The following BCAR3 variants were observed in gnomAD, a reference collection of about 807,000 sequenced individuals.
BCAR3 encodes BCAR3 adaptor protein, NSP family member.
A neutral mutation model predicts 80.1 loss-of-function variants in BCAR3; 37 were observed. The observed-to-expected ratio is 0.46, with a 90% CI of 0.36 to 0.61. The LOEUF is 0.61. Among genes scored for constraint, BCAR3 ranks in the 20% least tolerant of loss-of-function variants. The pLI, the probability that BCAR3 is intolerant of heterozygous loss-of-function variation, is 0.00. For missense variants in BCAR3, 978 were observed against 1,068.2 expected, an observed-to-expected ratio of 0.92 and a Z score of 1.18; for synonymous variants, 389 against 418.9, an observed-to-expected ratio of 0.93 and a Z score of 0.87.
At chr1:93,833,116 A>C (rs1654633667) in intron 2 of BCAR3, among the ~76,000 whole-genome samples, 1 of 152,154 alleles carries the variant, frequency 6.6e-6, no homozygotes, top group Non-Finnish European at 1.5e-5. Flanking sequence ...GAAAGAGTAC[A>C]AAAGAAAGAA....
chr1:93,610,084 C>T (rs1241335778), intron 3 of BCAR3, among the ~76,000 whole-genome samples: 2 of 152,260 alleles, frequency 1.3e-5, no homozygotes, highest in African/African-American at 4.8e-5. Context: ...GGACCAACAA[C>T]TCCCACTGGG....
chr1:93,564,290 C>CT lies in BCAR3; in HGVS notation c.2300-1872dup, dbSNP rs35780346. On this transcript the variant is annotated intron_variant, in intron 11 of 11. Coordinates refer to ENST00000260502, the MANE Select transcript of BCAR3 (RefSeq NM_003567.4). ...TTGTGTCCTAAGAATTTCTTTCTTT[C>CT]TTTTTTTTTTTTTTTTTTTTTGAGA... 2.6e-3 allele frequency among the ~76,000 whole-genome samples: 273 copies of CT among 103,460 alleles called. 1 individual carries two copies. Among genetic ancestry groups the CT allele is most frequent in the East Asian group, 8.2e-3 (30 of 3,660 alleles). The allele number at this position is 103,460 out of a possible 152,430, so 67.9% of individuals were successfully genotyped here.
At chr1:93,583,503 T>C (rs1021616808) in intron 6 of BCAR3, among the ~76,000 whole-genome samples, 1 of 148,150 alleles carries the variant, frequency 6.7e-6, no homozygotes, top group Non-Finnish European at 1.5e-5. Context: ...AACAACCCCC[T>C]GTCTTACTAA....
intron 3 of BCAR3, among the ~76,000 whole-genome samples, chr1:93,605,953 C>T (rs1674760551): frequency 6.6e-6 from 1 of 152,206 alleles, no homozygotes; most frequent in African/African-American, 2.4e-5. Context: ...AAATGACTTT[C>T]AAATTCTCTC....
intron 2 of BCAR3, among the ~76,000 whole-genome samples, chr1:93,840,398 C>A (rs1654916515): frequency 6.6e-6 from 1 of 152,108 alleles, no homozygotes; most frequent in African/African-American, 2.4e-5. Context: ...CATGAAGAAC[C>A]CAGAAAAGTG....
chr1:93,760,625 A>G (rs1342263103), intron 2 of BCAR3, among the ~76,000 whole-genome samples: 1 of 151,772 alleles, frequency 6.6e-6, no homozygotes, highest in Non-Finnish European at 1.5e-5. Context: ...AAAAAGAAGA[A>G]GGAATGTATT....
chr1:93,724,640 C>G (rs1429792335), intron 2 of BCAR3, among the ~76,000 whole-genome samples: 1 of 152,172 alleles, frequency 6.6e-6, no homozygotes, highest in East Asian at 1.9e-4. Context: ...GCCACCCAGC[C>G]TGGTGTCCAA....
chr1:93,592,839 G>C lies in BCAR3; in HGVS notation c.358-446C>G, dbSNP rs949309021. Reference sequence around the variant, plus strand: ...AGTGAGGCCCAAAGCACAGTCCTTGGGCTGGTAGCGATGGCCCTAACTTCT... The same window carrying C: ...AGTGAGGCCCAAAGCACAGTCCTTGCGCTGGTAGCGATGGCCCTAACTTCT... On this transcript the variant is annotated intron_variant, in intron 3 of 11. Coordinates refer to ENST00000260502, the MANE Select transcript of BCAR3 (RefSeq NM_003567.4). The surrounding 1 kb of genome is among the most constrained non-coding windows in gnomAD (Gnocchi z 4.8). Among the ~76,000 whole-genome samples the C allele has an allele frequency of 6.6e-6, 1 of 152,226 alleles. No individual in the cohort carries two copies. The highest frequency in any genetic ancestry group is 2.4e-5 in the African/African-American group (1 of 41,470).
At chr1:93,743,104 T>A (rs1457680611) in intron 2 of BCAR3, among the ~76,000 whole-genome samples, 1 of 152,236 alleles carries the variant, frequency 6.6e-6, no homozygotes, top group African/African-American at 2.4e-5. Context: ...ATTTGATCAG[T>A]TTTTGTTATC....
At chr1:93,617,814 C>T (rs932518995) in intron 3 of BCAR3, among the ~76,000 whole-genome samples, 7 of 152,210 alleles carry the variant, frequency 4.6e-5, no homozygotes, top group African/African-American at 1.4e-4. Context: ...ACCAGCCTGG[C>T]GTCACGGTGA....
Position 93,674,659 on chromosome 1 carries a change from T to G in BCAR3, c.272A>C (p.Gln91Pro), listed in dbSNP as rs780596160. 6 of 1,614,098 alleles carry G rather than the reference T, an allele frequency of 3.7e-6. No homozygotes were observed. In the South Asian group the frequency reaches 5.5e-5, roughly 15 times the overall value. ...GTGCCGGTCCTGCCATGGGCTCTCCTGGATGCCATCCTGGGTCACAGGCGA... is the reference window on the plus strand; with the variant it reads ...GTGCCGGTCCTGCCATGGGCTCTCCGGGATGCCATCCTGGGTCACAGGCGA... The part of the protein sequence containing the change: ...QNSPVTQDGI[Q>P]ESPWQDRHGE... Residue 91 changes from glutamine to proline, a missense_variant, in exon 2 of 12, where the codon CAG becomes CCG. Physicochemically the swap from Gln to Pro is moderately conservative, Grantham distance 76. Coordinates refer to ENST00000260502, the MANE Select transcript of BCAR3 (RefSeq NM_003567.4).
At chr1:93,567,569 T>C (rs1390338931) in intron 10 of BCAR3, 78 bp from the exon 11 acceptor site, 23 of 1,524,612 alleles carry the variant, frequency 1.5e-5, no homozygotes, top group Non-Finnish European at 2.1e-5. Context: ...TCATAGCCCT[T>C]GTCTTGTTAC....
At chr1:93,786,575 C>T (rs1276583597) in intron 2 of BCAR3, among the ~76,000 whole-genome samples, 1 of 152,116 alleles carries the variant, frequency 6.6e-6, no homozygotes, top group Non-Finnish European at 1.5e-5. Context: ...TGACTTTTTA[C>T]ACAGAAATAG....
At chr1:93,603,973 A>G (rs899637573) in intron 3 of BCAR3, among the ~76,000 whole-genome samples, 4 of 152,346 alleles carry the variant, frequency 2.6e-5, no homozygotes, top group African/African-American at 7.2e-5. Flanking sequence ...AAACACTTCA[A>G]TTAGTTTGAT....
In BCAR3 at chr1:93,575,500, C is replaced by T. The variant is rs554628199; in HGVS notation, c.1802+514G>A. On this transcript the variant is annotated intron_variant, in intron 8 of 11. Coordinates refer to ENST00000260502, the MANE Select transcript of BCAR3 (RefSeq NM_003567.4). ...GAGGGATGCCTCGGAGGCCCCGGACCAGTGCCGTCATCCCCTAACCTCTGA... is the reference window on the plus strand; with the variant it reads ...GAGGGATGCCTCGGAGGCCCCGGACTAGTGCCGTCATCCCCTAACCTCTGA... 2.2e-4 allele frequency among the ~76,000 whole-genome samples: 33 copies of T among 152,314 alleles called. 1 individual carries two copies. Among genetic ancestry groups the T allele is most frequent in the African/African-American group, 7.7e-4 (32 of 41,582 alleles).
At chr1:93,708,309 G>A (rs567167694) in intron 2 of BCAR3, among the ~76,000 whole-genome samples, 31 of 152,268 alleles carry the variant, frequency 2.0e-4, no homozygotes, top group South Asian at 6.2e-4. Flanking sequence ...CCTTGCCTCC[G>A]GCCTCTGGCA....
chr1:93,720,738 G>A (rs1650363822), intron 2 of BCAR3, among the ~76,000 whole-genome samples: 1 of 152,214 alleles, frequency 6.6e-6, no homozygotes, highest in African/African-American at 2.4e-5. Context: ...GAAAGGAGGA[G>A]GATGCTCCCC....
At chr1:93,769,107 A>G (rs12409199) in intron 2 of BCAR3, among the ~76,000 whole-genome samples, 14,927 of 152,032 alleles carry the variant, frequency 0.098, 931 homozygotes, top group East Asian at 0.19. Flanking sequence ...ACCCTGGGGG[A>G]GGAGACAGAA....
At chr1:93,827,887 G>T (rs968121506) in intron 2 of BCAR3, among the ~76,000 whole-genome samples, 3 of 152,024 alleles carry the variant, frequency 2.0e-5, no homozygotes, top group African/African-American at 4.8e-5. Context: ...AGATTGGAAG[G>T]CCTCAGAAGC....
Sources: allele counts gnomAD v4.1 joint callset (sites outside exome capture counted in the v4.1 genomes callset), GRCh38; gene constraint gnomAD v4.1.1; non-coding constraint Gnocchi (gnomAD v3.1); transcripts MANE v1.5; gene names NCBI Gene and HGNC (gene_info 2026-07-23, HGNC 2026-07-21).